LACC1: variants seen among roughly 807,000 people sequenced by gnomAD.
The protein encoded by LACC1 is laccase domain multifunctional purine nucleosidase 1, also known as purine nucleoside phosphorylase LACC1.
Under a neutral mutation model 34.8 loss-of-function variants are expected in LACC1, and 25 were observed. The ratio of observed to expected loss-of-function variants is 0.72; its 90% CI spans 0.52 to 1.00. The LOEUF is 1.00. Ranked by LOEUF, LACC1 falls within the 50% of genes least tolerant of loss-of-function variation. The pLI is 0.00. For synonymous variants in LACC1, 162 were observed against 168.0 expected (o/e 0.96, Z 0.28); for missense variants, 426 against 511.2 (o/e 0.83, Z 1.61).
At chr13:43,890,077 A>G (rs1955505649) in intron 5 of LACC1, 37 bp from the exon 6 acceptor site, 1 of 1,557,766 alleles carries the variant, frequency 6.4e-7, no homozygotes, top group African/African-American at 1.4e-5. Flanking sequence ...TTGGGAAAAT[A>G]AACTCTTGCT....
intron 3 of LACC1, 113 bp downstream of exon 3, chr13:43,882,476 T>C (rs1248965609): frequency 1.4e-6 from 1 of 718,862 alleles, no homozygotes; most frequent in Non-Finnish European, 2.2e-6. Context: ...TCTAAAGTTT[T>C]AGAATAATGC....
chr13:43,882,008 A>G (rs1269588350), intron 2 of LACC1, among the ~76,000 whole-genome samples, 177 bp from the exon 3 acceptor site: 2 of 152,234 alleles, frequency 1.3e-5, no homozygotes, highest in Non-Finnish European at 2.9e-5. Context: ...CAACAATCTC[A>G]TAGGGAGTGT....
At chr13:43,889,673 A>G (rs888624377) in intron 5 of LACC1, among the ~76,000 whole-genome samples, 9 of 152,222 alleles carry the variant, frequency 5.9e-5, no homozygotes, top group African/African-American at 2.2e-4. Flanking sequence ...GTCATATTTC[A>G]TATCATAAAG....
At chr13:43,887,478 A>G (rs1170680063) in intron 4 of LACC1, among the ~76,000 whole-genome samples, 3 of 152,212 alleles carry the variant, frequency 2.0e-5, no homozygotes, top group Non-Finnish European at 4.4e-5. Flanking sequence ...ACAAGAAGGT[A>G]GCATAAGTAA....
rs892799933 is a variant in LACC1 at position 43,888,748 on chromosome 13, A to G, written c.908-9A>G. The G allele has an allele frequency of 8.1e-6, 13 of 1,608,280 alleles. No individual in the cohort carries two copies. In the East Asian group the frequency reaches 1.1e-4, roughly 14 times the overall value. The stretch of plus-strand genomic sequence containing the variant: ...ACTTCTCTTATCTCTTTTTATTCCT[A>G]TTTACCAGGTTGGAAAGGTACTTTG... On this transcript the variant is annotated splice_polypyrimidine_tract_variant and intron_variant, in intron 4 of 6. Transcript: ENST00000325686.
rs900617328 is a variant in LACC1 at position 43,892,620 on chromosome 13, G to A, written c.*1173G>A. The A allele has an allele frequency of 2.6e-5, 4 of 152,050 alleles. No homozygotes were observed. Among genetic ancestry groups the A allele is most frequent in the African/African-American group, 4.8e-5 (2 of 41,416 alleles). The allele number at this position is 152,050 out of a possible 1,614,324, so 9.4% of individuals were successfully genotyped here. A position where few individuals can be genotyped will look rare whatever the true frequency, so the allele number is the denominator to read the frequency against. ...GAAATATAGACCTAGAAATTAGGAG[G>A]AAACCTGAGACAGAGACAAATATTT... On this transcript the variant is annotated 3_prime_UTR_variant, in exon 7 of 7. Coordinates refer to ENST00000325686, the MANE Select transcript of LACC1 (RefSeq NM_153218.4).
intron 4 of LACC1, among the ~76,000 whole-genome samples, chr13:43,888,384 G>C (rs185533132): frequency 6.6e-6 from 1 of 152,138 alleles, no homozygotes; most frequent in Admixed American, 6.5e-5. Flanking sequence ...ACAACAATGT[G>C]AGTTCAACAC....
chr13:43,888,804 A>C lies in LACC1; in HGVS notation c.955A>C (p.Met319Leu). The C allele has an allele frequency of 6.2e-7, 1 of 1,613,914 alleles. No individual in the cohort carries two copies. The highest frequency in any genetic ancestry group is 8.5e-7 in the Non-Finnish European group (1 of 1,179,850). Residue 319 changes from methionine to leucine, a missense_variant, in exon 5 of 7, where the codon ATG becomes CTG. Transcript: ENST00000325686. The stretch of plus-strand genomic sequence containing the variant: ...TGTTGCTATGGCTACAGTGAATGCT[A>C]TGATAGCAGAATATGGCTGCAGTTT... ...LGVAMATVNA[M>L]IAEYGCSLED...
At position 43,892,873 on chromosome 13, in the gene LACC1, A is replaced by T. The variant is rs1276023827; in HGVS notation, c.*1426A>T. On this transcript the variant is annotated 3_prime_UTR_variant, in exon 7 of 7. Coordinates refer to ENST00000325686, the MANE Select transcript of LACC1 (RefSeq NM_153218.4). ...ATAATTTAAAAGAAATCAATGGATT[A>T]AACATATTGAAACTGTTCTATAGGC... 6.6e-6 allele frequency: 1 copy of T among 152,266 alleles called. No homozygotes were observed. The highest frequency in any genetic ancestry group is 2.4e-5 in the African/African-American group (1 of 41,468). The allele number at this position is 152,266 out of a possible 1,614,324, so 9.4% of individuals were successfully genotyped here.
chr13:43,888,291 G>A lies in LACC1; in HGVS notation c.908-466G>A, dbSNP rs370918461. 1.1e-4 allele frequency among the ~76,000 whole-genome samples: 16 copies of A among 152,236 alleles called. No individual in the cohort carries two copies. The South Asian group carries it at 2.1e-3, about 20-fold the overall frequency. On this transcript the variant is annotated intron_variant, in intron 4 of 6. Coordinates refer to ENST00000325686, the MANE Select transcript of LACC1 (RefSeq NM_153218.4). ...GAAGAATGGTGATTGCCAGGGGCTG[G>A]TAAAAGGAAGAAACAAGGAGTTATT...
At chr13:43,887,297 C>A (rs1175158079) in intron 4 of LACC1, among the ~76,000 whole-genome samples, 1 of 152,116 alleles carries the variant, frequency 6.6e-6, no homozygotes, top group African/African-American at 2.4e-5. Context: ...CTCCTTTTAT[C>A]TGTAAAAATT....
intron 3 of LACC1, among the ~76,000 whole-genome samples, 179 bp downstream of exon 3, chr13:43,882,542 TACACAC>T (rs375149836): frequency 7.5e-6 from 1 of 133,890 alleles, no homozygotes; most frequent in Non-Finnish European, 1.6e-5. Context: ...TTCTATTTTA[TACACAC>T]ACACACACAC....
chr13:43,884,348 C>T (rs551069839), intron 4 of LACC1, among the ~76,000 whole-genome samples: 2 of 152,228 alleles, frequency 1.3e-5, no homozygotes, highest in Admixed American at 6.5e-5. Context: ...CAAACAACAA[C>T]GAAACCCTCC....
At chr13:43,879,805 A>AGGCGGGGCGGGGCGGGGCGGGGCGG (rs1566961082), upstream of LACC1, 2 of 42,578 alleles carry the variant, frequency 4.7e-5, no homozygotes. Flanking sequence ...GGGCGAGGCG[A>AGGCGGGGCGGGGCGGGGCGGGGCGG]GGCGGGGCGA....
At chr13:43,889,346 T>G (rs1955468870) in intron 5 of LACC1, among the ~76,000 whole-genome samples, 1 of 152,204 alleles carries the variant, frequency 6.6e-6, no homozygotes, top group African/African-American at 2.4e-5. Flanking sequence ...AGCTGATATT[T>G]TAAAATTATT....
In LACC1 at chr13:43,883,871, G is replaced by A. The variant is rs767543008; in HGVS notation, c.842G>A (p.Gly281Asp). 1 of 1,613,668 alleles carries A rather than the reference G, an allele frequency of 6.2e-7. No homozygotes were observed. The highest frequency in any genetic ancestry group is 1.1e-5 in the South Asian group (1 of 91,006). The change falls in exon 4 of 7, where the codon GGT becomes GAT. Residue 281 changes from glycine (G) to aspartate (D), a missense_variant. By Grantham distance (94) the Gly-to-Asp change is moderately conservative. Transcript: ENST00000325686. ...NQRGVTIAAL[G>D]ADCIPIVFAD... ...AGAGGAGTCACAATAGCAGCTCTTG[G>A]TGCAGACTGTATACCGATAGTTTTT...
chr13:43,886,122 T>C (rs901953420), intron 4 of LACC1, among the ~76,000 whole-genome samples: 1 of 152,196 alleles, frequency 6.6e-6, no homozygotes, highest in Non-Finnish European at 1.5e-5. Context: ...TTGGTGAGAT[T>C]GTGGAGAAAA....
At chr13:43,885,665 C>T (rs1251121510) in intron 4 of LACC1, among the ~76,000 whole-genome samples, 2 of 151,982 alleles carry the variant, frequency 1.3e-5, no homozygotes, top group Non-Finnish European at 2.9e-5. Flanking sequence ...TAGGAGGAAA[C>T]CTAGGAAATG....
In LACC1 at chr13:43,880,995, G is replaced by A. The variant is rs558495905; in HGVS notation, c.10G>A (p.Ala4Thr). 27 of 1,611,522 alleles carry A rather than the reference G, an allele frequency of 1.7e-5. No homozygotes were observed. In the Middle Eastern group the frequency reaches 6.6e-4, roughly 39 times the overall value. Residue 4 changes from alanine to threonine, a missense_variant, in exon 2 of 7, where the codon GCT becomes ACT. By Grantham distance (58) the Ala-to-Thr change is moderately conservative (BLOSUM62 0). Transcript: ENST00000325686. MAE[A>T]VLIDLFGLKL... is the part of the protein sequence containing the mutation. ...AAGTATTCTTTCAAGGATGGCAGAAGCTGTTTTGATTGATCTTTTTGGTTT... is the reference window on the plus strand; with the variant it reads ...AAGTATTCTTTCAAGGATGGCAGAAACTGTTTTGATTGATCTTTTTGGTTT...
Sources: allele counts gnomAD v4.1 joint callset (sites outside exome capture counted in the v4.1 genomes callset), GRCh38; gene constraint gnomAD v4.1.1; transcripts MANE v1.5; gene names NCBI Gene and HGNC (gene_info 2026-07-23, HGNC 2026-07-21).